Variants in HPSE2 observed in about 807,000 individuals in gnomAD.
HPSE2 encodes the protein inactive heparanase-2.
In HPSE2, 38 loss-of-function variants were observed where a neutral mutation model predicts 60.5. The observed-to-expected ratio is 0.63, with a 90% confidence interval of 0.48 to 0.82. HPSE2 has a LOEUF of 0.82. Ranked by LOEUF, HPSE2 falls within the 40% of genes least tolerant of loss-of-function variation. The pLI is 0.00. For missense variants in HPSE2, 713 were observed against 740.4 expected (o/e 0.96, Z 0.43); for synonymous variants, 295 against 293.2 (o/e 1.01, Z -0.06).
At chr10:98,780,222 G>A (rs889278306) in intron 3 of HPSE2, among the ~76,000 whole-genome samples, 1 of 152,082 alleles carries the variant, frequency 6.6e-6, no homozygotes, top group African/African-American at 2.4e-5. Context: ...AAGTTTAAGA[G>A]CTGAGGGAAG....
intron 3 of HPSE2, among the ~76,000 whole-genome samples, chr10:98,772,426 T>C (rs1950260867): frequency 6.6e-6 from 1 of 152,210 alleles, no homozygotes; most frequent in South Asian, 2.1e-4. Flanking sequence ...ACCCTTTGAC[T>C]GAAGACATGG....
At chr10:99,149,247 A>G (rs937116166) in intron 2 of HPSE2, among the ~76,000 whole-genome samples, 1 of 152,264 alleles carries the variant, frequency 6.6e-6, no homozygotes, top group African/African-American at 2.4e-5. Flanking sequence ...GAAAAGGACT[A>G]CTTCATGAAG....
chr10:99,111,577 C>T (rs969231554), intron 3 of HPSE2, among the ~76,000 whole-genome samples: 1 of 152,144 alleles, frequency 6.6e-6, no homozygotes, highest in Non-Finnish European at 1.5e-5. Flanking sequence ...ATTCGAATTC[C>T]AAACCACATA....
At chr10:98,532,880 T>C (rs1256163513) in intron 9 of HPSE2, among the ~76,000 whole-genome samples, 1 of 152,182 alleles carries the variant, frequency 6.6e-6, no homozygotes, top group African/African-American at 2.4e-5. Flanking sequence ...CCTTTATTGC[T>C]TCTGGCCTTA....
intron 3 of HPSE2, among the ~76,000 whole-genome samples, chr10:99,075,760 CTTT>C (rs1245157002): frequency 6.6e-6 from 1 of 152,034 alleles, no homozygotes; most frequent in Non-Finnish European, 1.5e-5. Flanking sequence ...TGAATTTACT[CTTT>C]TATTATTATA....
the HPSE2 span, among the ~76,000 whole-genome samples, chr10:99,288,748 C>CAAACAAA: frequency 1.3e-5 from 1 of 75,792 alleles, no homozygotes; most frequent in Middle Eastern, 8.9e-3. Context: ...CAGCCTCAAG[C>CAAACAAA]AAAAAAAAAA....
At chr10:99,244,835 T>C in the HPSE2 span, among the ~76,000 whole-genome samples, 1 of 152,066 alleles carries the variant, frequency 6.6e-6, no homozygotes, top group Non-Finnish European at 1.5e-5. Flanking sequence ...TAGTACATAC[T>C]TACTCAATAG....
chr10:98,561,898 T>C (rs1944196540), intron 9 of HPSE2, among the ~76,000 whole-genome samples: 1 of 152,164 alleles, frequency 6.6e-6, no homozygotes, highest in African/African-American at 2.4e-5. Flanking sequence ...GAAAAACTTT[T>C]AAATAACTTT....
At chr10:99,151,847 T>G (rs531884827) in intron 2 of HPSE2, among the ~76,000 whole-genome samples, 1 of 152,280 alleles carries the variant, frequency 6.6e-6, no homozygotes, top group East Asian at 1.9e-4. Context: ...GCTCAGGAGT[T>G]TGAGGTTGCA....
the HPSE2 span, among the ~76,000 whole-genome samples, chr10:99,308,123 C>T: frequency 5.3e-5 from 8 of 152,098 alleles, no homozygotes; most frequent in Non-Finnish European, 7.4e-5. Context: ...TGCGGTGGCT[C>T]ATGCCTGTAA....
intron 9 of HPSE2, among the ~76,000 whole-genome samples, chr10:98,595,164 A>ATTTTTTTTT (rs34509249): frequency 2.2e-5 from 2 of 91,688 alleles, no homozygotes; most frequent in African/African-American, 4.0e-5. Flanking sequence ...TATAAATGAG[A>ATTTTTTTTT]TTTTTTTTTT....
rs957354424 is a variant in HPSE2, at chr10:99,182,376, G to A, written c.449-37977C>T. On this transcript the variant is annotated intron_variant, in intron 2 of 11. Transcript: ENST00000370552. Reference sequence around the variant, plus strand: ...CTTAGCCAGATCACACCTTGTTTGCGGTAGATCCAAGACTAAAAGCCAGGT... The same window carrying A: ...CTTAGCCAGATCACACCTTGTTTGCAGTAGATCCAAGACTAAAAGCCAGGT... Among the ~76,000 whole-genome samples the A allele has an allele frequency of 3.9e-5, 6 of 152,090 alleles. No individual in the cohort carries two copies. The South Asian group carries it at 6.2e-4, about 16-fold the overall frequency.
At chr10:98,844,566 A>G (rs2134705296) in intron 3 of HPSE2, among the ~76,000 whole-genome samples, 1 of 152,316 alleles carries the variant, frequency 6.6e-6, no homozygotes, top group East Asian at 1.9e-4. Context: ...ATTAAAAGTT[A>G]GTGCCATGGA....
intron 9 of HPSE2, among the ~76,000 whole-genome samples, chr10:98,497,535 A>G (rs1455631750): frequency 6.6e-6 from 1 of 152,188 alleles, no homozygotes; most frequent in Non-Finnish European, 1.5e-5. Context: ...TAATATCTAC[A>G]GATTCAAGTC....
intron 2 of HPSE2, among the ~76,000 whole-genome samples, chr10:99,192,512 C>T (rs1848257099): frequency 6.6e-6 from 1 of 152,148 alleles, no homozygotes; most frequent in Non-Finnish European, 1.5e-5. Flanking sequence ...TCACAGCACA[C>T]CACAGACTTA....
At chr10:98,680,059 T>C (rs1947745786) in intron 6 of HPSE2, among the ~76,000 whole-genome samples, 3 of 152,204 alleles carry the variant, frequency 2.0e-5, no homozygotes, top group African/African-American at 7.2e-5. Context: ...GGGTAAGTTA[T>C]TGTGCTGCAT....
chr10:99,155,941 A>G (rs2135816286), intron 2 of HPSE2, among the ~76,000 whole-genome samples: 1 of 151,884 alleles, frequency 6.6e-6, no homozygotes, highest in South Asian at 2.1e-4. Context: ...CCACAGAAAT[A>G]CAAACTACCA....
chr10:99,020,973 G>T (rs1430038787), intron 3 of HPSE2, among the ~76,000 whole-genome samples: 1 of 152,168 alleles, frequency 6.6e-6, no homozygotes, highest in Non-Finnish European at 1.5e-5. Flanking sequence ...TAGAGACAGG[G>T]CTTTCTGAAG....
At chr10:98,858,019 T>A (rs1358899834) in intron 3 of HPSE2, among the ~76,000 whole-genome samples, 1 of 152,216 alleles carries the variant, frequency 6.6e-6, no homozygotes, top group Non-Finnish European at 1.5e-5. Context: ...TTCATGGCTA[T>A]CAATAGCTAT....
Sources: allele counts gnomAD v4.1 joint callset (sites outside exome capture counted in the v4.1 genomes callset), GRCh38; gene constraint gnomAD v4.1.1; transcripts MANE v1.5; gene names NCBI Gene and HGNC (gene_info 2026-07-23, HGNC 2026-07-21).